The following SLC2A13 variants were observed in gnomAD, a reference collection of about 807,000 sequenced individuals.
SLC2A13 encodes proton myo-inositol cotransporter.
Under a neutral mutation model 64.4 loss-of-function variants are expected in SLC2A13, and 32 were observed. The ratio of observed to expected loss-of-function variants is 0.50; its 90% confidence interval spans 0.37 to 0.67. The LOEUF (loss-of-function observed/expected upper bound fraction) is 0.67, where lower values mean the gene tolerates loss of function less well. Among genes scored for constraint, SLC2A13 ranks in the 30% least tolerant of loss-of-function variants. SLC2A13 has a pLI of 0.00. For missense variants in SLC2A13, 743 were observed against 829.2 expected (o/e 0.90, Z 1.28); for synonymous variants, 338 against 327.1 (o/e 1.03, Z -0.36).
intron 3 of SLC2A13, among the ~76,000 whole-genome samples, chr12:40,008,223 A>G (rs1387160321): frequency 6.6e-6 from 1 of 152,210 alleles, no homozygotes; most frequent in Admixed American, 6.5e-5. Flanking sequence ...AGAACAGAGA[A>G]GCCAAAAAGA....
intron 7 of SLC2A13, among the ~76,000 whole-genome samples, chr12:39,808,385 A>G (rs916711554): frequency 6.6e-6 from 1 of 151,966 alleles, no homozygotes; most frequent in African/African-American, 2.4e-5. Context: ...AATTTTGTCC[A>G]TTATGAATAA....
intron 4 of SLC2A13, among the ~76,000 whole-genome samples, chr12:39,940,295 G>C (rs1945997161): frequency 6.6e-6 from 1 of 152,100 alleles, no homozygotes; most frequent in South Asian, 2.1e-4. Flanking sequence ...TTTACAACCT[G>C]AAAGTGTACA....
intron 1 of SLC2A13, among the ~76,000 whole-genome samples, chr12:40,051,798 T>C (rs1302754109): frequency 1.3e-5 from 2 of 151,940 alleles, no homozygotes; most frequent in Non-Finnish European, 2.9e-5. Flanking sequence ...TCAACCACAG[T>C]GTAAAGGATC....
intron 4 of SLC2A13, among the ~76,000 whole-genome samples, chr12:39,900,344 G>A (rs1362778501): frequency 8.6e-5 from 13 of 151,854 alleles, no homozygotes; most frequent in African/African-American, 2.4e-4. Context: ...TGGCCAGGGC[G>A]ATTAGGCAGA....
intron 4 of SLC2A13, among the ~76,000 whole-genome samples, chr12:39,922,891 C>A (rs1945639955): frequency 6.6e-6 from 1 of 152,210 alleles, no homozygotes; most frequent in African/African-American, 2.4e-5. Context: ...ACTTTTTTCT[C>A]TAGTATTTTC....
intron 1 of SLC2A13, among the ~76,000 whole-genome samples, chr12:40,102,659 C>A (rs993954504): frequency 1.3e-5 from 2 of 152,058 alleles, no homozygotes; most frequent in African/African-American, 4.8e-5. Flanking sequence ...ATCATAAGGA[C>A]AAAACAACAA....
At chr12:40,070,375 C>T (rs1283685176) in intron 1 of SLC2A13, among the ~76,000 whole-genome samples, 1 of 152,148 alleles carries the variant, frequency 6.6e-6, no homozygotes, top group Non-Finnish European at 1.5e-5. Context: ...AAACAACTTT[C>T]CATAAAGGTG....
intron 6 of SLC2A13, among the ~76,000 whole-genome samples, chr12:39,833,962 T>C (rs1259260275): frequency 6.6e-6 from 1 of 151,382 alleles, no homozygotes; most frequent in African/African-American, 2.4e-5. Context: ...CCTCAGTCTA[T>C]AGGGTTCCTT....
intron 7 of SLC2A13, among the ~76,000 whole-genome samples, chr12:39,828,733 C>A (rs1942762447): frequency 1.3e-5 from 2 of 149,784 alleles, no homozygotes; most frequent in South Asian, 4.2e-4. Flanking sequence ...TTCCTATTGG[C>A]AAAAACAAAA....
At chr12:39,908,420 A>G (rs1049231934) in intron 4 of SLC2A13, 1 of 152,018 alleles carries the variant, frequency 6.6e-6, no homozygotes, top group African/African-American at 2.4e-5. Context: ...CTACAGAGTT[A>G]GGAGCTTGCT....
At chr12:40,052,362 G>C (rs1213086738) in intron 1 of SLC2A13, among the ~76,000 whole-genome samples, 3 of 152,026 alleles carry the variant, frequency 2.0e-5, no homozygotes, top group African/African-American at 7.3e-5. Context: ...GGAGAATTTG[G>C]TCTTTGTCAG....
At chr12:39,893,650 G>A (rs1350965518) in intron 4 of SLC2A13, among the ~76,000 whole-genome samples, 1 of 152,118 alleles carries the variant, frequency 6.6e-6, no homozygotes, top group Admixed American at 6.5e-5. Flanking sequence ...TTAAAAGTAA[G>A]ATAAAAGTTA....
At chr12:40,101,680 A>C (rs1939153324) in intron 1 of SLC2A13, among the ~76,000 whole-genome samples, 1 of 152,060 alleles carries the variant, frequency 6.6e-6, no homozygotes, top group Admixed American at 6.6e-5. Context: ...TCCCCCCAAA[A>C]CATTCCAGTC....
intron 3 of SLC2A13, among the ~76,000 whole-genome samples, chr12:39,988,886 G>T (rs77286424): frequency 0.014 from 2,069 of 152,162 alleles, 125 homozygotes; most frequent in Admixed American, 0.095. Flanking sequence ...AGTAAATATT[G>T]TTAACTCTAT....
At chr12:39,871,577 CT>C (rs537209749) in intron 5 of SLC2A13, among the ~76,000 whole-genome samples, 49 of 151,782 alleles carry the variant, frequency 3.2e-4, no homozygotes, top group Non-Finnish European at 6.9e-4. Flanking sequence ...CCAAATTATT[CT>C]TGCAGTTTGT....
chr12:39,915,711 A>T (rs1945510700), intron 4 of SLC2A13, among the ~76,000 whole-genome samples: 1 of 152,006 alleles, frequency 6.6e-6, no homozygotes, highest in African/African-American at 2.4e-5. Context: ...AAAAATATCA[A>T]GACCAAGCTG....
intron 1 of SLC2A13, among the ~76,000 whole-genome samples, chr12:40,060,359 T>C (rs1477017223): frequency 6.6e-6 from 1 of 152,188 alleles, no homozygotes; most frequent in Non-Finnish European, 1.5e-5. Context: ...TCATGGCAAG[T>C]TGTAAAGGAT....
In SLC2A13 at chr12:39,947,949, C is replaced by T. The variant is rs528305843; in HGVS notation, c.1034+3308G>A. ...TGCTGGAATTACAGGCATGAGCCAC[C>T]GCGCCTGGCCGAGAATTTCTTGAAT... On this transcript the variant is annotated intron_variant, in intron 4 of 9. Coordinates refer to ENST00000280871, the MANE Select transcript of SLC2A13 (RefSeq NM_052885.4). 2.6e-4 allele frequency among the ~76,000 whole-genome samples: 39 copies of T among 152,164 alleles called. 1 individual carries two copies. In the East Asian group the frequency reaches 7.5e-3, roughly 29 times the overall value.
At chr12:40,000,352 T>A (rs926578427) in intron 3 of SLC2A13, among the ~76,000 whole-genome samples, 1 of 152,206 alleles carries the variant, frequency 6.6e-6, no homozygotes, top group Admixed American at 6.5e-5. Flanking sequence ...TAACAGGCTA[T>A]ATAATCTGTG....
Sources: allele counts gnomAD v4.1 joint callset (sites outside exome capture counted in the v4.1 genomes callset), GRCh38; gene constraint gnomAD v4.1.1; transcripts MANE v1.5; gene names NCBI Gene and HGNC (gene_info 2026-07-23, HGNC 2026-07-21).